Variants in DAAM2 observed in about 807,000 individuals in gnomAD.
DAAM2 encodes disheveled-associated activator of morphogenesis 2.
A neutral mutation model predicts 120.7 loss-of-function variants in DAAM2; 39 were observed. That is an observed-to-expected ratio of 0.32 (90% CI 0.25 to 0.42). DAAM2 has a LOEUF of 0.42. Ranked by LOEUF, DAAM2 falls within the 10% of genes least tolerant of loss-of-function variation. The pLI, the probability that DAAM2 is intolerant of heterozygous loss-of-function variation, is 1.00. For missense variants in DAAM2, 1,283 were observed against 1,401.7 expected (o/e 0.92, Z 1.35); for synonymous variants, 488 against 524.9 (o/e 0.93, Z 0.96).
At chr6:39,893,244 C>T (rs574505028) in intron 19 of DAAM2, among the ~76,000 whole-genome samples, 11 of 152,268 alleles carry the variant, frequency 7.2e-5, no homozygotes, top group Non-Finnish European at 1.3e-4. Context: ...AGGCTGGGTG[C>T]GGTGGCTGAT....
chr6:39,891,090 TAAA>T (rs11321886), intron 17 of DAAM2, among the ~76,000 whole-genome samples: 1 of 138,624 alleles, frequency 7.2e-6, no homozygotes, highest in Non-Finnish European at 1.5e-5. Context: ...GAGACCCTAT[TAAA>T]AAAAAAAAAA....
intron 20 of DAAM2, 41 bp downstream of exon 20, chr6:39,897,021 T>TC (rs772531385): frequency 6.3e-7 from 1 of 1,581,264 alleles, no homozygotes; most frequent in South Asian, 1.2e-5. Context: ...GGCCTCTATC[T>TC]CACCCTACCC....
chr6:39,831,972 T>C (rs1436122133), intron 1 of DAAM2, among the ~76,000 whole-genome samples: 4 of 23,028 alleles, frequency 1.7e-4, no homozygotes, highest in African/African-American at 3.7e-4. Context: ...ACTGGGGGGG[T>C]AGGTGCACTG....
In DAAM2 at chr6:39,902,669, T is replaced by C. The variant is rs759632233; in HGVS notation, c.*632T>C. The C allele has an allele frequency of 7.9e-5, 12 of 152,358 alleles. No individual in the cohort carries two copies. Among genetic ancestry groups the C allele is most frequent in the Admixed American group, 2.0e-4 (3 of 15,288 alleles). 9.4% of individuals were successfully genotyped at this position (152,358 alleles called of 1,614,324 possible). On this transcript the variant is annotated 3_prime_UTR_variant, in exon 25 of 25. Coordinates refer to ENST00000274867, the MANE Select transcript of DAAM2 (RefSeq NM_001201427.2). ...ACAGAGTAGCAGTGTCTGTTTCCCA[T>C]GTCACAAGTCCTCTGGCCTCTCCCT...
chr6:39,850,724 A>G (rs1265509483), intron 1 of DAAM2, among the ~76,000 whole-genome samples: 1 of 152,226 alleles, frequency 6.6e-6, no homozygotes, highest in Non-Finnish European at 1.5e-5. Flanking sequence ...GAGATAATGC[A>G]GAAAATTATC....
At position 39,904,339 on chromosome 6, in the gene DAAM2, T is replaced by G. The variant is rs1026530801; in HGVS notation, c.*2302T>G. Reference sequence around the variant, plus strand: ...GGTGCTAGATGCCACTGTAGCCAGATCTCCAACAGTGCCTTGGACCATGGA... The same window carrying G: ...GGTGCTAGATGCCACTGTAGCCAGAGCTCCAACAGTGCCTTGGACCATGGA... On this transcript the variant is annotated 3_prime_UTR_variant, in exon 25 of 25. Coordinates refer to ENST00000274867, the MANE Select transcript of DAAM2 (RefSeq NM_001201427.2). 2 of 456,580 alleles carry G rather than the reference T, an allele frequency of 4.4e-6. No individual in the cohort carries two copies. Among genetic ancestry groups the G allele is most frequent in the African/African-American group, 4.0e-5 (2 of 50,060 alleles). 28.3% of individuals were successfully genotyped at this position (456,580 alleles called of 1,614,324 possible).
chr6:39,896,571 C>T (rs543527937), intron 19 of DAAM2, among the ~76,000 whole-genome samples: 2 of 152,182 alleles, frequency 1.3e-5, no homozygotes, highest in Non-Finnish European at 2.9e-5. Flanking sequence ...AGAGCTGGCA[C>T]GTCCTACAAA....
intron 3 of DAAM2, among the ~76,000 whole-genome samples, chr6:39,863,371 T>C (rs1477373633): frequency 6.6e-6 from 1 of 152,152 alleles, no homozygotes; most frequent in Non-Finnish European, 1.5e-5. Flanking sequence ...CATTTAACCA[T>C]GTGAAGTCAT....
At position 39,902,807 on chromosome 6, in the gene DAAM2, G is replaced by C. The variant is rs1385417273; in HGVS notation, c.*770G>C. On this transcript the variant is annotated 3_prime_UTR_variant, in exon 25 of 25. Coordinates refer to ENST00000274867, the MANE Select transcript of DAAM2 (RefSeq NM_001201427.2). ...TTCCACAGCTATGGCTCACTACCAG[G>C]TGCTTGATGAATCTGGCGAGGGGCT... 6.6e-6 allele frequency: 1 copy of C among 152,276 alleles called. No homozygotes were observed. The highest frequency in any genetic ancestry group is 1.5e-5 in the Non-Finnish European group (1 of 68,146). 9.4% of individuals were successfully genotyped at this position (152,276 alleles called of 1,614,324 possible).
chr6:39,841,272 A>G (rs1431006423), intron 1 of DAAM2, among the ~76,000 whole-genome samples: 1 of 59,110 alleles, frequency 1.7e-5, no homozygotes, highest in Non-Finnish European at 2.9e-5. Flanking sequence ...CTCCGGGGGG[A>G]GGGGTTCCAG....
chr6:39,881,014 TTC>T (rs1416049552), intron 14 of DAAM2, among the ~76,000 whole-genome samples: 1 of 152,214 alleles, frequency 6.6e-6, no homozygotes, highest in Admixed American at 6.5e-5. Flanking sequence ...AGAAATAACA[TTC>T]TGTCTCCTAT....
chr6:39,893,377 G>C (rs1017257823), intron 19 of DAAM2, among the ~76,000 whole-genome samples: 2 of 152,148 alleles, frequency 1.3e-5, no homozygotes, highest in African/African-American at 4.8e-5. Flanking sequence ...AATTAGCCGG[G>C]CATGGAGGTG....
chr6:39,896,589 T>G (rs1311231891), intron 19 of DAAM2, among the ~76,000 whole-genome samples: 1 of 152,194 alleles, frequency 6.6e-6, no homozygotes, highest in African/African-American at 2.4e-5. Context: ...AAATGGGGTA[T>G]CTGGTGAATT....
At position 39,887,467 on chromosome 6, in the gene DAAM2, C is replaced by CT. The variant is rs1562055443; in HGVS notation, c.1954-17dup. Reference sequence around the variant, plus strand: ...AGGGAACCCACACCTCAACTGTCCACTTGACTTGTTGGTTGCAGAAAGAGC... The same window carrying CT: ...AGGGAACCCACACCTCAACTGTCCACTTTGACTTGTTGGTTGCAGAAAGAGC... On this transcript the variant is annotated intron_variant, in intron 15 of 24. Coordinates refer to ENST00000274867, the MANE Select transcript of DAAM2 (RefSeq NM_001201427.2). 1 of 1,593,906 alleles carries CT rather than the reference C, an allele frequency of 6.3e-7. No individual in the cohort carries two copies. The highest frequency in any genetic ancestry group is 8.6e-7 in the Non-Finnish European group (1 of 1,164,016).
chr6:39,838,428 C>T (rs1350348405), intron 1 of DAAM2, among the ~76,000 whole-genome samples: 1 of 152,184 alleles, frequency 6.6e-6, no homozygotes, highest in African/African-American at 2.4e-5. Flanking sequence ...AGATAACCAG[C>T]GCTCAATGAA....
intron 1 of DAAM2, among the ~76,000 whole-genome samples, chr6:39,800,532 C>T (rs1016948688): frequency 6.6e-6 from 1 of 152,206 alleles, no homozygotes; most frequent in African/African-American, 2.4e-5. Flanking sequence ...TGGCTGGGTC[C>T]ACATCCCTGT....
chr6:39,887,483 C>T lies in DAAM2; in HGVS notation c.1954-3C>T. 1.2e-6 allele frequency: 2 copies of T among 1,610,910 alleles called. No homozygotes were observed. The highest frequency in any genetic ancestry group is 1.7e-6 in the Non-Finnish European group (2 of 1,177,860). On this transcript the variant is annotated splice_polypyrimidine_tract_variant and splice_region_variant and intron_variant, in intron 15 of 24. Coordinates refer to ENST00000274867, the MANE Select transcript of DAAM2 (RefSeq NM_001201427.2). The stretch of plus-strand genomic sequence containing the variant: ...AACTGTCCACTTGACTTGTTGGTTG[C>T]AGAAAGAGCTGGGCTCCACTGAAGA...
chr6:39,816,179 G>A (rs979786251), intron 1 of DAAM2, among the ~76,000 whole-genome samples: 2 of 152,208 alleles, frequency 1.3e-5, no homozygotes, highest in Non-Finnish European at 2.9e-5. Context: ...TTTGATCCAG[G>A]AGTCTGGGGC....
At chr6:39,811,133 AG>A (rs1322982841) in intron 1 of DAAM2, among the ~76,000 whole-genome samples, 1 of 151,574 alleles carries the variant, frequency 6.6e-6, no homozygotes, top group Non-Finnish European at 1.5e-5. Flanking sequence ...AGATATTCTT[AG>A]AAACTTTGAT....
Sources: allele counts gnomAD v4.1 joint callset (sites outside exome capture counted in the v4.1 genomes callset), GRCh38; gene constraint gnomAD v4.1.1; transcripts MANE v1.5; gene names NCBI Gene and HGNC (gene_info 2026-07-23, HGNC 2026-07-21).